Variants in TPD52 observed in about 807,000 individuals in gnomAD.
TPD52 encodes tumor protein D52, also known as prostate and colon associated protein.
Under a neutral mutation model 31.3 loss-of-function variants are expected in TPD52, and 17 were observed. The observed-to-expected ratio is 0.54, with a 90% CI of 0.37 to 0.82. TPD52 has a LOEUF of 0.82. Ranked by LOEUF, TPD52 falls within the 40% of genes least tolerant of loss-of-function variation. The pLI, the probability that TPD52 is intolerant of heterozygous loss-of-function variation, is 0.00. For missense variants in TPD52, 212 were observed against 240.1 expected (o/e 0.88, Z 0.77); for synonymous variants, 83 against 89.6 (o/e 0.93, Z 0.42).
intron 1 of TPD52, among the ~76,000 whole-genome samples, chr8:80,149,216 A>AT (rs1388892113): frequency 1.2e-4 from 18 of 152,020 alleles, no homozygotes; most frequent in African/African-American, 4.3e-4. Flanking sequence ...ATGGGGGCGG[A>AT]TTTTTCCAAT....
intron 1 of TPD52, among the ~76,000 whole-genome samples, chr8:80,085,516 G>A (rs759505241): frequency 2.6e-5 from 4 of 152,130 alleles, no homozygotes; most frequent in Non-Finnish European, 5.9e-5. Flanking sequence ...GAGGCAGGCC[G>A]CAGATACTTG....
chr8:80,158,818 C>T (rs1811150272), intron 1 of TPD52: 1 of 149,434 alleles, frequency 6.7e-6, no homozygotes, highest in Non-Finnish European at 1.5e-5. Flanking sequence ...GTGGCGGGCG[C>T]CTGTAGTCCC....
intron 4 of TPD52, among the ~76,000 whole-genome samples, chr8:80,050,957 G>A (rs1190879626): frequency 6.6e-6 from 1 of 150,528 alleles, no homozygotes; most frequent in Non-Finnish European, 1.5e-5. Flanking sequence ...ACTGTGAAGT[G>A]GTTTTATAAA....
chr8:80,094,467 T>TATACATAC (rs1816566265), intron 1 of TPD52, among the ~76,000 whole-genome samples: 1 of 118,880 alleles, frequency 8.4e-6, no homozygotes, highest in African/African-American at 2.8e-5. Context: ...TATATATATA[T>TATACATAC]ATATATATAT....
intron 1 of TPD52, among the ~76,000 whole-genome samples, chr8:80,072,730 CAT>C (rs748072147): frequency 2.0e-5 from 3 of 149,536 alleles, no homozygotes; most frequent in South Asian, 2.1e-4. Context: ...CACATATATA[CAT>C]ATATATACAC....
At chr8:80,118,451 T>A (rs920900494) in intron 1 of TPD52, among the ~76,000 whole-genome samples, 1 of 152,210 alleles carries the variant, frequency 6.6e-6, no homozygotes, top group Non-Finnish European at 1.5e-5. Context: ...AACATTAAAA[T>A]CTTTTATGCT....
At chr8:80,072,784 T>TACACACAC (rs760496029) in intron 1 of TPD52, among the ~76,000 whole-genome samples, 5 of 145,140 alleles carry the variant, frequency 3.4e-5, no homozygotes, top group African/African-American at 1.4e-4. Flanking sequence ...TATATACACA[T>TACACACAC]ACACACACAC....
At chr8:80,062,519 A>T (rs1384587548) in intron 2 of TPD52, among the ~76,000 whole-genome samples, 1 of 152,202 alleles carries the variant, frequency 6.6e-6, no homozygotes, top group Non-Finnish European at 1.5e-5. Context: ...ACAAACCAAA[A>T]CCATAATGAG....
At chr8:80,065,984 T>A (rs1437973001) in intron 1 of TPD52, among the ~76,000 whole-genome samples, 2 of 150,138 alleles carry the variant, frequency 1.3e-5, no homozygotes, top group African/African-American at 4.9e-5. Flanking sequence ...TTTACTCCTC[T>A]GCCTGCTCTT....
rs80345241 is a variant in TPD52 at position 80,152,365 on chromosome 8, A to G, written c.19+19060T>C. On this transcript the variant is annotated intron_variant, in intron 1 of 7. Coordinates refer to ENST00000518937, the MANE Select transcript of TPD52 (RefSeq NM_001025253.3). Reference sequence around the variant, plus strand: ...GAATGGCAGCACCAAAGGAGGTGTGAAATGCTGTGATGAAAACACCCTTCC... The same window carrying G: ...GAATGGCAGCACCAAAGGAGGTGTGGAATGCTGTGATGAAAACACCCTTCC... 5.3e-3 allele frequency among the ~76,000 whole-genome samples: 806 copies of G among 152,254 alleles called. 5 individuals carry two copies. Among genetic ancestry groups the G allele is most frequent in the African/African-American group, 0.018 (749 of 41,532 alleles).
intron 1 of TPD52, among the ~76,000 whole-genome samples, chr8:80,104,663 T>TTTTG (rs1463271590): frequency 6.7e-6 from 1 of 148,926 alleles, no homozygotes; most frequent in Non-Finnish European, 1.5e-5. Flanking sequence ...GTCTGCTGAT[T>TTTTG]TTTTTTTTTT....
At chr8:80,167,104 T>C (rs941917093) in intron 1 of TPD52, among the ~76,000 whole-genome samples, 1 of 152,194 alleles carries the variant, frequency 6.6e-6, no homozygotes, top group African/African-American at 2.4e-5. Flanking sequence ...TTTTTAAAAC[T>C]TCCACTAAAT....
At chr8:80,145,350 G>C (rs1563659358) in intron 1 of TPD52, among the ~76,000 whole-genome samples, 1 of 152,198 alleles carries the variant, frequency 6.6e-6, no homozygotes, top group Non-Finnish European at 1.5e-5. Flanking sequence ...TTGATGGCAG[G>C]TGATCTTTGA....
At chr8:80,169,382 C>A (rs533369375) in intron 1 of TPD52, among the ~76,000 whole-genome samples, 6 of 152,182 alleles carry the variant, frequency 3.9e-5, no homozygotes, top group African/African-American at 1.4e-4. Flanking sequence ...TCCACCTCAC[C>A]CAAAGAACAT....
intron 2 of TPD52, among the ~76,000 whole-genome samples, chr8:80,058,111 T>A (rs1270035284): frequency 1.3e-5 from 2 of 152,166 alleles, no homozygotes; most frequent in Non-Finnish European, 2.9e-5. Context: ...AAAACAATAC[T>A]GAGAACTGTC....
chr8:80,113,568 C>CA lies in TPD52; in HGVS notation c.20-48976dup, dbSNP rs148465532. Among the ~76,000 whole-genome samples the CA allele has an allele frequency of 4.9e-3, 746 of 152,214 alleles. 6 individuals are homozygous for CA. Among genetic ancestry groups the CA allele is most frequent in the African/African-American group, 0.016 (671 of 41,530 alleles). On this transcript the variant is annotated intron_variant, in intron 1 of 7. Transcript: ENST00000518937. ...AGATGAAGAGATGAAGAAAATGTGG[C>CA]ATATACACACAATGGAATACTATGC...
At chr8:80,145,308 G>A (rs1563659323) in intron 1 of TPD52, among the ~76,000 whole-genome samples, 1 of 152,344 alleles carries the variant, frequency 6.6e-6, no homozygotes, top group East Asian at 1.9e-4. Context: ...ATCCTAGCAT[G>A]TGGCCAGAAG....
In TPD52 at chr8:80,153,171, C is replaced by T. The variant is rs1057133874; in HGVS notation, c.19+18254G>A. ...CCACTAAGGTTATGTATAACTTATG[C>T]AAAAAATGATAAAGAATTACTTCAA... On this transcript the variant is annotated intron_variant, in intron 1 of 7. Transcript: ENST00000518937. 6.6e-5 allele frequency among the ~76,000 whole-genome samples: 10 copies of T among 152,138 alleles called. No individual in the cohort carries two copies. The East Asian group carries it at 1.2e-3, about 18-fold the overall frequency.
intron 7 of TPD52, among the ~76,000 whole-genome samples, chr8:80,039,642 A>C (rs1042517156): frequency 1.3e-5 from 2 of 152,036 alleles, no homozygotes; most frequent in Admixed American, 6.6e-5. Flanking sequence ...AAAACCCTTC[A>C]ATGGCTTCCC....
Sources: gnomAD v4.1 joint callset for allele counts (sites outside exome capture counted in the v4.1 genomes callset) on GRCh38, gnomAD v4.1.1 for gene constraint, MANE v1.5 for transcripts, NCBI Gene and HGNC (gene_info 2026-07-23, HGNC 2026-07-21) for gene names.